The following CDH7 variants were observed in gnomAD, a reference collection of about 807,000 sequenced individuals.
The protein encoded by CDH7 is cadherin 7.
A neutral mutation model predicts 71.8 loss-of-function variants in CDH7; 25 were observed. That is an observed-to-expected ratio of 0.35 (90% CI 0.25 to 0.49). The LOEUF is 0.49. Among genes scored for constraint, CDH7 ranks in the 20% least tolerant of loss-of-function variants. The pLI is 0.99. For missense variants in CDH7, 862 were observed against 974.6 expected, an observed-to-expected ratio of 0.88 and a Z score of 1.54; for synonymous variants, 381 against 363.8, an observed-to-expected ratio of 1.05 and a Z score of -0.54.
intron 1 of CDH7, among the ~76,000 whole-genome samples, chr18:65,752,745 A>G (rs746175459): frequency 1.3e-5 from 2 of 152,344 alleles, no homozygotes; most frequent in East Asian, 1.9e-4. Flanking sequence ...TCCAACGTCA[A>G]TAGTCTTATC....
chr18:65,872,161 C>T (rs1329230490), intron 11 of CDH7, among the ~76,000 whole-genome samples: 1 of 152,010 alleles, frequency 6.6e-6, no homozygotes, highest in African/African-American at 2.4e-5. Flanking sequence ...GATAGCGGAC[C>T]CACACAATTT....
rs1057096273 is a variant in CDH7, at chr18:65,883,970, A to G, written c.*3076A>G. ...GTAGAGATAATAGTTCAGGAAGTCA[A>G]TATATTTAATTATTTTCCACTTGTC... On this transcript the variant is annotated 3_prime_UTR_variant, in exon 12 of 12. Coordinates refer to ENST00000397968, the MANE Select transcript of CDH7 (RefSeq NM_004361.5). 2.0e-5 allele frequency: 3 copies of G among 152,130 alleles called. No homozygotes were observed. The highest frequency in any genetic ancestry group is 7.2e-5 in the African/African-American group (3 of 41,440). 9.4% of individuals were successfully genotyped at this position (152,130 alleles called of 1,614,324 possible).
chr18:65,869,167 G>A (rs1445059342), intron 11 of CDH7, among the ~76,000 whole-genome samples: 4 of 151,794 alleles, frequency 2.6e-5, no homozygotes, highest in Admixed American at 6.6e-5. Context: ...TTAGTTTTTG[G>A]GCCTTGAATC....
chr18:65,830,723 C>CCTT (rs1912316938), intron 6 of CDH7, among the ~76,000 whole-genome samples: 1 of 100,816 alleles, frequency 9.9e-6, no homozygotes, highest in African/African-American at 2.9e-5. Flanking sequence ...CTTTCTCTCT[C>CCTT]TCTCTTTCTT....
At chr18:65,832,605 G>A (rs1912390183) in intron 6 of CDH7, among the ~76,000 whole-genome samples, 1 of 151,874 alleles carries the variant, frequency 6.6e-6, no homozygotes, top group Admixed American at 6.6e-5. Context: ...AACAGTTAAA[G>A]CAATGCAAAT....
chr18:65,760,591 T>G (rs1456284054), intron 1 of CDH7, among the ~76,000 whole-genome samples: 1 of 152,182 alleles, frequency 6.6e-6, no homozygotes, highest in African/African-American at 2.4e-5. Flanking sequence ...AAGAGAGAAT[T>G]CATTCTCTTG....
Position 65,887,637 on chromosome 18 carries a change from T to C in CDH7, c.*6743T>C, listed in dbSNP as rs1318334910. 1 of 151,874 alleles carries C rather than the reference T, an allele frequency of 6.6e-6. No individual in the cohort carries two copies. Among genetic ancestry groups the C allele is most frequent in the Non-Finnish European group, 1.5e-5 (1 of 67,838 alleles). The allele number at this position is 151,874 out of a possible 1,614,324, so 9.4% of individuals were successfully genotyped here. ...CAGCATGCGCACACATACATACACGTGTGCAGGAACACACACAATTTGAGG... is the reference window on the plus strand; with the variant it reads ...CAGCATGCGCACACATACATACACGCGTGCAGGAACACACACAATTTGAGG... On this transcript the variant is annotated 3_prime_UTR_variant, in exon 12 of 12. Coordinates refer to ENST00000397968, the MANE Select transcript of CDH7 (RefSeq NM_004361.5).
At chr18:65,879,778 C>T (rs1332182083) in intron 11 of CDH7, among the ~76,000 whole-genome samples, 2 of 152,110 alleles carry the variant, frequency 1.3e-5, no homozygotes, top group Non-Finnish European at 2.9e-5. Flanking sequence ...AATCTCACAG[C>T]TTGTATTCTG....
In CDH7 at chr18:65,842,420, C is replaced by T. The variant is rs576937974; in HGVS notation, c.982-1392C>T. On this transcript the variant is annotated intron_variant, in intron 6 of 11. Transcript: ENST00000397968. ...TGTGTATATTTTCCTTTTGCTTACT[C>T]GGAGATAAGCTGTGGGATCTCTTTA... 5.9e-5 allele frequency among the ~76,000 whole-genome samples: 9 copies of T among 151,654 alleles called. No individual in the cohort carries two copies. In the South Asian group the frequency reaches 6.2e-4, roughly 11 times the overall value.
chr18:65,813,946 C>CA (rs147026412), intron 3 of CDH7, among the ~76,000 whole-genome samples: 2,434 of 152,184 alleles, frequency 0.016, 54 homozygotes, highest in African/African-American at 0.055. Context: ...AAATTAAAAA[C>CA]AAAATCCCAA....
intron 2 of CDH7, among the ~76,000 whole-genome samples, chr18:65,778,675 T>C (rs1448421523): frequency 6.6e-6 from 1 of 150,982 alleles, no homozygotes; most frequent in Non-Finnish European, 1.5e-5. Flanking sequence ...TCTTTTTTTT[T>C]GTTTGTTTTT....
chr18:65,875,550 A>G (rs1309475273), intron 11 of CDH7, among the ~76,000 whole-genome samples: 1 of 152,156 alleles, frequency 6.6e-6, no homozygotes, highest in Non-Finnish European at 1.5e-5. Flanking sequence ...TGGTTTTGGG[A>G]GAATGATTCT....
intron 1 of CDH7, among the ~76,000 whole-genome samples, chr18:65,756,406 G>A (rs887863103): frequency 1.3e-5 from 2 of 152,078 alleles, no homozygotes; most frequent in Non-Finnish European, 2.9e-5. Context: ...TCCTACACTT[G>A]TTTTTCTAGA....
chr18:65,772,951 G>A (rs1300939449), intron 2 of CDH7, among the ~76,000 whole-genome samples: 2 of 152,104 alleles, frequency 1.3e-5, no homozygotes, highest in African/African-American at 4.8e-5. Flanking sequence ...TATAATATAT[G>A]TATATTTTTC....
chr18:65,789,807 G>T (rs1257054680), intron 2 of CDH7, among the ~76,000 whole-genome samples: 1 of 152,206 alleles, frequency 6.6e-6, no homozygotes, highest in East Asian at 1.9e-4. Flanking sequence ...ACTCATTGTT[G>T]CATTTACAGC....
At chr18:65,761,906 G>A (rs1280822785) in intron 1 of CDH7, among the ~76,000 whole-genome samples, 8 of 152,144 alleles carry the variant, frequency 5.3e-5, no homozygotes, top group African/African-American at 1.9e-4. Context: ...TTCTATAAAT[G>A]TTTATGTAGG....
intron 11 of CDH7, among the ~76,000 whole-genome samples, chr18:65,876,207 A>G (rs1205618200): frequency 6.6e-6 from 1 of 152,192 alleles, no homozygotes; most frequent in Non-Finnish European, 1.5e-5. Context: ...GCCAATATCC[A>G]GCACTATTTC....
At chr18:65,797,186 G>C (rs1910948239) in intron 2 of CDH7, among the ~76,000 whole-genome samples, 1 of 152,020 alleles carries the variant, frequency 6.6e-6, no homozygotes. Flanking sequence ...GTCTCTCCTA[G>C]GAAAACCAAT....
intron 3 of CDH7, among the ~76,000 whole-genome samples, chr18:65,813,237 C>A (rs1911605956): frequency 6.6e-6 from 1 of 152,170 alleles, no homozygotes; most frequent in South Asian, 2.1e-4. Context: ...GAGGCTGAGG[C>A]AGGAGAATCA....
Sources: allele counts gnomAD v4.1 joint callset (sites outside exome capture counted in the v4.1 genomes callset), GRCh38; gene constraint gnomAD v4.1.1; transcripts MANE v1.5; gene names NCBI Gene and HGNC (gene_info 2026-07-23, HGNC 2026-07-21).